DDX17: variants seen among roughly 807,000 people sequenced by gnomAD.
DDX17 encodes probable ATP-dependent RNA helicase DDX17.
DDX17 carries 10 observed loss-of-function variants against 80.8 expected under a neutral mutation model. The observed-to-expected ratio is 0.12, with a 90% CI of 0.08 to 0.21. The LOEUF is 0.21. Ranked by LOEUF, DDX17 falls within the 10% of genes least tolerant of loss-of-function variation. The pLI is 1.00. For missense variants in DDX17, 586 were observed against 957.4 expected (o/e 0.61, Z 5.12); for synonymous variants, 339 against 336.2 (o/e 1.01, Z -0.09).
In DDX17 at chr22:38,483,531, C is replaced by G. The variant is rs968454429; in HGVS notation, c.*2404G>C. On this transcript the variant is annotated 3_prime_UTR_variant, in exon 13 of 13. Transcript: ENST00000403230. ...TTACAAACTAAGAATAGTAACATAG[C>G]TTTCAGCATCCTGTGCCTGAACATC... The G allele has an allele frequency of 6.6e-6, 1 of 152,608 alleles. No homozygotes were observed. The highest frequency in any genetic ancestry group is 2.4e-5 in the African/African-American group (1 of 41,438). The allele number at this position is 152,608 out of a possible 1,614,324, so 9.5% of individuals were successfully genotyped here. A position where few individuals can be genotyped will look rare whatever the true frequency, so the allele number is the denominator to read the frequency against.
chr22:38,490,675 T>C, intron 11 of DDX17: 1 of 331,818 alleles, frequency 3.0e-6, no homozygotes, highest in Non-Finnish European at 5.8e-6. Context: ...CCCCTGTCTA[T>C]GAGGTAGAAG....
At chr22:38,491,981 G>T in intron 11 of DDX17, 75 bp downstream of exon 11, 3 of 1,073,240 alleles carry the variant, frequency 2.8e-6, no homozygotes, top group Non-Finnish European at 2.7e-6. Flanking sequence ...TAAACTTGAA[G>T]TCTGAATTTG....
intron 2 of DDX17, among the ~76,000 whole-genome samples, chr22:38,500,911 G>C (rs954576406): frequency 4.8e-5 from 7 of 145,768 alleles, no homozygotes; most frequent in Non-Finnish European, 8.9e-5. Context: ...CAGGTAGTTT[G>C]CTTGAGCTAG....
Position 38,506,004 on chromosome 22 carries a change from C to T in DDX17, c.234G>A (p.Gly78=). ...CCCCAAAGCCTCCTCCGCGCATGGTCCCAAAAGGATAGAGATCTGGGAGCG... is the reference window on the plus strand; with the variant it reads ...CCCCAAAGCCTCCTCCGCGCATGGTTCCAAAAGGATAGAGATCTGGGAGCG... Residue 78 remains glycine (G), a synonymous_variant, in exon 1 of 13, where the codon GGG becomes GGA. Transcript: ENST00000403230. The T allele has an allele frequency of 6.3e-7, 1 of 1,593,428 alleles. No homozygotes were observed. Among genetic ancestry groups the T allele is most frequent in the South Asian group, 1.1e-5 (1 of 87,796 alleles).
At chr22:38,499,551 G>C (rs1050592249) in intron 2 of DDX17, 52 bp from the exon 3 acceptor site, 5 of 1,398,558 alleles carry the variant, frequency 3.6e-6, no homozygotes, top group Non-Finnish European at 5.1e-6. Context: ...TAAACATTCA[G>C]AATTTATGTT....
chr22:38,495,979 T>TAAAA lies in DDX17; in HGVS notation c.739-46_739-43dup, dbSNP rs201173235. 447 of 803,542 alleles carry TAAAA rather than the reference T, an allele frequency of 5.6e-4. 1 individual carries two copies. In the African/African-American group the frequency reaches 6.1e-3, roughly 11 times the overall value. 49.8% of individuals were successfully genotyped at this position (803,542 alleles called of 1,614,324 possible). ...GACACTTGAGACCTCATCCAAGGTTTAAAAAAAAAAAAAAAAAAAAGAAGA... is the reference window on the plus strand; with the variant it reads ...GACACTTGAGACCTCATCCAAGGTTTAAAAAAAAAAAAAAAAAAAAAAAAGAAGA... On this transcript the variant is annotated intron_variant, in intron 5 of 12. Transcript: ENST00000403230.
chr22:38,506,260 C>T lies in DDX17; in HGVS notation c.-23G>A. On this transcript the variant is annotated 5_prime_UTR_variant, in exon 1 of 13. Coordinates refer to ENST00000403230, the MANE Select transcript of DDX17 (RefSeq NM_006386.5). ...CAGGTTTGGCTACGCTCAAACCGGG[C>T]AGTGCCGCGGTTTAGGCGTCTCCTT... 1 of 1,583,340 alleles carries T rather than the reference C, an allele frequency of 6.3e-7. No individual in the cohort carries two copies.
chr22:38,496,808 A>T (rs1342470972), intron 5 of DDX17, among the ~76,000 whole-genome samples: 4 of 152,212 alleles, frequency 2.6e-5, no homozygotes, highest in Non-Finnish European at 5.9e-5. Flanking sequence ...AATAATACAA[A>T]AATCAAGGTA....
chr22:38,498,415 A>T (rs780991190), intron 4 of DDX17, 25 bp downstream of exon 4: 1 of 1,612,986 alleles, frequency 6.2e-7, no homozygotes, highest in Non-Finnish European at 8.5e-7. Flanking sequence ...CACAATATCA[A>T]GGATCTTCTC....
intron 10 of DDX17, 30 bp from the exon 11 acceptor site, chr22:38,492,145 A>G (rs1447564329): frequency 7.8e-5 from 124 of 1,582,096 alleles, no homozygotes; most frequent in Non-Finnish European, 1.1e-4. Flanking sequence ...TCATCATCAA[A>G]TAAGCATTCC....
In DDX17 at chr22:38,485,965, A is replaced by G. The variant is rs1166697746; in HGVS notation, c.2160T>C (p.Pro720=). 3.7e-6 allele frequency: 6 copies of G among 1,613,494 alleles called. No individual in the cohort carries two copies. The highest frequency in any genetic ancestry group is 5.1e-6 in the Non-Finnish European group (6 of 1,179,922). Residue 720 remains proline, a synonymous_variant, in exon 13 of 13, where the codon CCT becomes CCC. Transcript: ENST00000403230. ...TACGTGAAGGAGGAGGAGGGGGAGGAGGAGGAGGGTATTGGTAGGCAGTCT... is the reference window on the plus strand; with the variant it reads ...TACGTGAAGGAGGAGGAGGGGGAGGGGGAGGAGGGTATTGGTAGGCAGTCT...
At position 38,484,624 on chromosome 22, in the gene DDX17, A is replaced by G. The variant is rs2089636531; in HGVS notation, c.*1311T>C. 1 of 152,246 alleles carries G rather than the reference A, an allele frequency of 6.6e-6. No homozygotes were observed. Among genetic ancestry groups the G allele is most frequent in the South Asian group, 2.1e-4 (1 of 4,838 alleles). 9.4% of individuals were successfully genotyped at this position (152,246 alleles called of 1,614,324 possible). A position where few individuals can be genotyped will look rare whatever the true frequency, so the allele number is the denominator to read the frequency against. ...TCCCTATCCTGTTGTAGTGAACACA[A>G]TAGCAGAAAATTCTTTCTGGGTCCA... On this transcript the variant is annotated 3_prime_UTR_variant, in exon 13 of 13. Coordinates refer to ENST00000403230, the MANE Select transcript of DDX17 (RefSeq NM_006386.5).
chr22:38,501,531 C>A (rs980893251), intron 1 of DDX17, among the ~76,000 whole-genome samples: 1 of 152,174 alleles, frequency 6.6e-6, no homozygotes, highest in South Asian at 2.1e-4. Flanking sequence ...GAGAGAAATA[C>A]ATCCTAGGGA....
At chr22:38,501,853 A>G (rs548916793) in intron 1 of DDX17, among the ~76,000 whole-genome samples, 5 of 152,354 alleles carry the variant, frequency 3.3e-5, no homozygotes, top group East Asian at 1.9e-4. Context: ...TGGAGTTACT[A>G]AACAAAACAG....
rs10427868 is a variant in DDX17 at position 38,487,218 on chromosome 22, G to C, written c.1684+661C>G. Among the ~76,000 whole-genome samples the C allele has an allele frequency of 1.4e-4, 21 of 152,292 alleles. 1 individual carries two copies. In the East Asian group the frequency reaches 2.5e-3, roughly 18 times the overall value. Reference sequence around the variant, plus strand: ...TTAAAACTCAGACCAGCCTCAGCTAGGTTTGGTGGCTCACTCCTGTAATCT... The same window carrying C: ...TTAAAACTCAGACCAGCCTCAGCTACGTTTGGTGGCTCACTCCTGTAATCT... On this transcript the variant is annotated intron_variant, in intron 12 of 12. Transcript: ENST00000403230.
chr22:38,485,779 G>A lies in DDX17; in HGVS notation c.*156C>T, dbSNP rs2089650060. The A allele has an allele frequency of 8.9e-7, 1 of 1,128,720 alleles. No homozygotes were observed. The highest frequency in any genetic ancestry group is 1.2e-6 in the Non-Finnish European group (1 of 856,068). The allele number at this position is 1,128,720 out of a possible 1,614,324, so 69.9% of individuals were successfully genotyped here. A position where few individuals can be genotyped will look rare whatever the true frequency, so the allele number is the denominator to read the frequency against. ...CCTGGCAGTGAATTCTAACTAATCT[G>A]CATGAAAAGACAAATCACGATGGTT... On this transcript the variant is annotated 3_prime_UTR_variant, in exon 13 of 13. Coordinates refer to ENST00000403230, the MANE Select transcript of DDX17 (RefSeq NM_006386.5).
rs564572516 is a variant in DDX17, at chr22:38,489,097, A to T, written c.1448-982T>A. On this transcript the variant is annotated intron_variant, in intron 11 of 12. Transcript: ENST00000403230. The surrounding 1 kb of genome is among the most constrained non-coding windows in gnomAD (Gnocchi z 4.6). ...TACTTAAACAAACAATTTTAAGAAT[A>T]TAACAAAGAATCCTACTGTTTTGTG... is the stretch of plus-strand genomic sequence containing the variant. The T allele has an allele frequency of 9.1e-6, 9 of 984,044 alleles. No individual in the cohort carries two copies. In the African/African-American group the frequency reaches 1.6e-4, roughly 17 times the overall value. The allele number at this position is 984,044 out of a possible 1,614,324, so 61.0% of individuals were successfully genotyped here.
chr22:38,503,927 AAAG>A (rs1165651712), intron 1 of DDX17, among the ~76,000 whole-genome samples: 6 of 152,366 alleles, frequency 3.9e-5, no homozygotes, highest in South Asian at 2.1e-4. Context: ...AGATCTTATG[AAAG>A]AAGGCTAGTT....
rs1913922338 is a variant in DDX17, at chr22:38,484,357, T to C, written c.*1578A>G. 6.6e-6 allele frequency: 1 copy of C among 152,312 alleles called. No individual in the cohort carries two copies. Among genetic ancestry groups the C allele is most frequent in the Non-Finnish European group, 1.5e-5 (1 of 68,044 alleles). The allele number at this position is 152,312 out of a possible 1,614,324, so 9.4% of individuals were successfully genotyped here. A position where few individuals can be genotyped will look rare whatever the true frequency, so the allele number is the denominator to read the frequency against. On this transcript the variant is annotated 3_prime_UTR_variant, in exon 13 of 13. Transcript: ENST00000403230. ...AGCTTATGCTGAAGACCTACCTGTATGTTGCACATTGAATCATACTTTCAG... is the reference window on the plus strand; with the variant it reads ...AGCTTATGCTGAAGACCTACCTGTACGTTGCACATTGAATCATACTTTCAG...
Sources: allele counts gnomAD v4.1 joint callset (sites outside exome capture counted in the v4.1 genomes callset), GRCh38; gene constraint gnomAD v4.1.1; non-coding constraint Gnocchi (gnomAD v3.1); transcripts MANE v1.5; gene names NCBI Gene and HGNC (gene_info 2026-07-23, HGNC 2026-07-21).